Variants in NGLY1 observed in about 807,000 individuals in gnomAD.
The protein encoded by NGLY1 is N-glycanase 1, also known as peptide-N(4)-(N-acetyl-beta-glucosaminyl)asparagine amidase.
In NGLY1, 68 loss-of-function variants were observed where a neutral mutation model predicts 84.6. The ratio of observed to expected loss-of-function variants is 0.80; its 90% CI spans 0.66 to 0.98. The LOEUF (loss-of-function observed/expected upper bound fraction) is 0.98, where lower values mean the gene tolerates loss of function less well. Ranked by LOEUF, NGLY1 falls within the 50% of genes least tolerant of loss-of-function variation. NGLY1 has a pLI of 0.00. For synonymous variants in NGLY1, 280 were observed against 275.2 expected, an observed-to-expected ratio of 1.02 and a Z score of -0.17; for missense variants, 779 against 770.2, an observed-to-expected ratio of 1.01 and a Z score of -0.14.
intron 4 of NGLY1, among the ~76,000 whole-genome samples, chr3:25,748,455 T>G (rs1706557863): frequency 6.6e-6 from 1 of 152,220 alleles, no homozygotes; most frequent in Admixed American, 6.5e-5. Context: ...CTAGTTAGAT[T>G]AATTCCTAGC....
rs574999090 is a variant in NGLY1, at chr3:25,769,661, A to T, written c.247-5350T>A. Among the ~76,000 whole-genome samples the T allele has an allele frequency of 2.6e-5, 4 of 152,344 alleles. No individual in the cohort carries two copies. In the South Asian group the frequency reaches 8.3e-4, roughly 32 times the overall value. ...AAGTTTCCTCAAAAAAACTAAAAAT[A>T]GAACTACCATATGATCCAGTAATCC... is the stretch of plus-strand genomic sequence containing the variant. On this transcript the variant is annotated intron_variant, in intron 2 of 11. Coordinates refer to ENST00000280700, the MANE Select transcript of NGLY1 (RefSeq NM_018297.4).
At chr3:25,723,003 T>C (rs964898533) in intron 10 of NGLY1, among the ~76,000 whole-genome samples, 13 of 152,346 alleles carry the variant, frequency 8.5e-5, no homozygotes, top group South Asian at 6.2e-4. Context: ...TTAACAGATA[T>C]ACTCAAATTT....
intron 1 of NGLY1, among the ~76,000 whole-genome samples, chr3:25,780,007 G>T (rs1411922638): frequency 6.6e-6 from 1 of 152,170 alleles, no homozygotes. Context: ...TAGAGAAATT[G>T]AATGTTCGGT....
Position 25,783,122 on chromosome 3 carries a change from C to G in NGLY1, c.131+138G>C, listed in dbSNP as rs1708496887. On this transcript the variant is annotated intron_variant, in intron 1 of 11. Coordinates refer to ENST00000280700, the MANE Select transcript of NGLY1 (RefSeq NM_018297.4). The surrounding 1 kb of genome is among the most constrained non-coding windows in gnomAD (Gnocchi z 4.5). ...GGCCGGCGGGCTCGGACGTTAGGAGCAGAACCAGCTCCAGGTCCCGGTCTG... is the reference window on the plus strand; with the variant it reads ...GGCCGGCGGGCTCGGACGTTAGGAGGAGAACCAGCTCCAGGTCCCGGTCTG... 9 of 771,068 alleles carry G rather than the reference C, an allele frequency of 1.2e-5. No homozygotes were observed. The highest frequency in any genetic ancestry group is 1.6e-5 in the Non-Finnish European group (8 of 495,334). 47.8% of individuals were successfully genotyped at this position (771,068 alleles called of 1,614,324 possible).
At chr3:25,777,486 T>G (rs571960747) in intron 2 of NGLY1, among the ~76,000 whole-genome samples, 13 of 151,250 alleles carry the variant, frequency 8.6e-5, no homozygotes, top group African/African-American at 2.9e-4. Flanking sequence ...CAAGACCCCA[T>G]GTGTCCTGGT....
intron 4 of NGLY1, chr3:25,749,805 A>G (rs1051623413): frequency 3.2e-6 from 4 of 1,267,474 alleles, no homozygotes; most frequent in Non-Finnish European, 4.6e-6. Flanking sequence ...GTTTCCTCCA[A>G]GAACTGCAAA....
intron 3 of NGLY1, chr3:25,755,208 C>G: frequency 7.3e-7 from 1 of 1,368,220 alleles, no homozygotes; most frequent in Non-Finnish European, 1.0e-6. Context: ...CTGGATATTG[C>G]AAGGCAGAAA....
intron 1 of NGLY1, among the ~76,000 whole-genome samples, chr3:25,782,355 G>C (rs1164821226): frequency 6.6e-6 from 1 of 152,028 alleles, no homozygotes; most frequent in East Asian, 1.9e-4. Context: ...AATTAATCAC[G>C]GTGACCTGAT....
chr3:25,764,661 T>C (rs1468146445), intron 2 of NGLY1, among the ~76,000 whole-genome samples: 1 of 151,312 alleles, frequency 6.6e-6, no homozygotes, highest in Non-Finnish European at 1.5e-5. Context: ...CTCTCTGCAA[T>C]AGTATATGAT....
intron 7 of NGLY1, 163 bp from the exon 8 acceptor site, chr3:25,734,145 C>A (rs1705698487): frequency 1.2e-6 from 1 of 834,546 alleles, no homozygotes; most frequent in Non-Finnish European, 1.8e-6. Context: ...CAGCTCACTG[C>A]AGTCTCACTT....
At chr3:25,751,348 T>C (rs1341476993) in intron 3 of NGLY1, 85 bp from the exon 4 acceptor site, 1 of 1,145,134 alleles carries the variant, frequency 8.7e-7, no homozygotes. Context: ...GGTTTTATGA[T>C]TTTACAGATA....
intron 2 of NGLY1, among the ~76,000 whole-genome samples, chr3:25,770,119 T>C (rs1361838852): frequency 1.3e-5 from 2 of 152,214 alleles, no homozygotes; most frequent in African/African-American, 2.4e-5. Flanking sequence ...CATTATTTCA[T>C]TCTTTTTTTA....
chr3:25,765,187 T>C lies in NGLY1; in HGVS notation c.247-876A>G, dbSNP rs190679772. 2.3e-3 allele frequency among the ~76,000 whole-genome samples: 347 copies of C among 152,300 alleles called. 2 individuals are homozygous for C. The highest frequency in any genetic ancestry group is 0.01 in the Middle Eastern group (3 of 294). On this transcript the variant is annotated intron_variant, in intron 2 of 11. Coordinates refer to ENST00000280700, the MANE Select transcript of NGLY1 (RefSeq NM_018297.4). The stretch of plus-strand genomic sequence containing the variant: ...CAAGATAAAAAGTTGCAGCTGGGCA[T>C]GGTGGCTCACGCCTGTAATCCCAGC...
chr3:25,746,088 T>C (rs1706410089), intron 4 of NGLY1, among the ~76,000 whole-genome samples: 1 of 152,214 alleles, frequency 6.6e-6, no homozygotes, highest in South Asian at 2.1e-4. Context: ...TGAAATTCAA[T>C]GTCAACCAAA....
intron 1 of NGLY1, among the ~76,000 whole-genome samples, chr3:25,780,666 C>T (rs1029649121): frequency 2.0e-5 from 3 of 152,132 alleles, no homozygotes; most frequent in Non-Finnish European, 4.4e-5. Context: ...TCTGTCACCC[C>T]GGCTAGAGTG....
rs140924312 is a variant in NGLY1 at position 25,764,168 on chromosome 3, G to A, written c.390C>T (p.Ala130=). The A allele has an allele frequency of 3.1e-6, 5 of 1,614,066 alleles. No individual in the cohort carries two copies. The highest frequency in any genetic ancestry group is 4.2e-6 in the Non-Finnish European group (5 of 1,180,038). ...ATGGTGTTGTAGGAAGCTGGGTACT[G>A]GCTGCAGGTTGCTGAGATGACTTTA... ...HKVKSSQQPA[A]STQLPTTPSS... is the part of the protein sequence containing the mutation. Residue 130 remains alanine, a synonymous_variant, in exon 3 of 12, where the codon GCC becomes GCT. Coordinates refer to ENST00000280700, the MANE Select transcript of NGLY1 (RefSeq NM_018297.4).
chr3:25,783,057 C>A lies in NGLY1; in HGVS notation c.131+203G>T. ...CACAACTGCAAAGAAACTTCCTTTTCTCGAGCGGGGGTGGGACTTGGCCGG... is the reference window on the plus strand; with the variant it reads ...CACAACTGCAAAGAAACTTCCTTTTATCGAGCGGGGGTGGGACTTGGCCGG... On this transcript the variant is annotated intron_variant, in intron 1 of 11. Coordinates refer to ENST00000280700, the MANE Select transcript of NGLY1 (RefSeq NM_018297.4). The surrounding 1 kb of genome is among the most constrained non-coding windows in gnomAD (Gnocchi z 4.5). 1 of 531,404 alleles carries A rather than the reference C, an allele frequency of 1.9e-6. No homozygotes were observed. Among genetic ancestry groups the A allele is most frequent in the Non-Finnish European group, 3.4e-6 (1 of 297,628 alleles). 32.9% of individuals were successfully genotyped at this position (531,404 alleles called of 1,614,324 possible). A position where few individuals can be genotyped will look rare whatever the true frequency, so the allele number is the denominator to read the frequency against.
chr3:25,741,120 T>C (rs1706115377), intron 4 of NGLY1, among the ~76,000 whole-genome samples: 1 of 134,868 alleles, frequency 7.4e-6, no homozygotes. Context: ...AGAGCGAAAC[T>C]CTGTCTCATT....
At chr3:25,766,132 C>T (rs1190321959) in intron 2 of NGLY1, among the ~76,000 whole-genome samples, 1 of 149,432 alleles carries the variant, frequency 6.7e-6, no homozygotes, top group Non-Finnish European at 1.5e-5. Flanking sequence ...GTGGTGTGAT[C>T]TCGGCTCACT....
Sources: gnomAD v4.1 joint callset for allele counts (sites outside exome capture counted in the v4.1 genomes callset) on GRCh38, gnomAD v4.1.1 for gene constraint, Gnocchi (gnomAD v3.1) non-coding constraint, MANE v1.5 for transcripts, NCBI Gene and HGNC (gene_info 2026-07-23, HGNC 2026-07-21) for gene names.